The following VAV3 variants were observed in gnomAD, a reference collection of about 807,000 sequenced individuals.
The protein encoded by VAV3 is vav guanine nucleotide exchange factor 3, also known as guanine nucleotide exchange factor VAV3.
Under a neutral mutation model 131.2 loss-of-function variants are expected in VAV3, and 94 were observed. The ratio of observed to expected loss-of-function variants is 0.72; its 90% confidence interval spans 0.61 to 0.85. The LOEUF is 0.85. VAV3 is among the 40% of genes least tolerant of loss of function. The pLI is 0.00. For synonymous variants in VAV3, 349 were observed against 342.0 expected, an observed-to-expected ratio of 1.02 and a Z score of -0.22; for missense variants, 939 against 1,002.7, an observed-to-expected ratio of 0.94 and a Z score of 0.86.
rs186207161 is a variant in VAV3 at position 107,792,201 on chromosome 1, C to A, written c.322-12709G>T. ...TCATCTGTTACTCACTTCACCATCA[C>A]ACTGCTAAAGCAAGTGTTGAGTATT... On this transcript the variant is annotated intron_variant, in intron 2 of 26. Transcript: ENST00000370056. 1.9e-3 allele frequency among the ~76,000 whole-genome samples: 288 copies of A among 152,304 alleles called. 1 individual carries two copies. Among genetic ancestry groups the A allele is most frequent in the Admixed American group, 4.0e-3 (61 of 15,288 alleles).
At chr1:107,736,247 T>C (rs1300526661) in intron 15 of VAV3, among the ~76,000 whole-genome samples, 1 of 152,080 alleles carries the variant, frequency 6.6e-6, no homozygotes, top group Non-Finnish European at 1.5e-5. Context: ...CCACAGCCAA[T>C]ATCATACTGA....
chr1:107,625,018 T>C (rs1356372626), intron 20 of VAV3, among the ~76,000 whole-genome samples: 1 of 152,156 alleles, frequency 6.6e-6, no homozygotes, highest in East Asian at 1.9e-4. Context: ...GGTTTTATTT[T>C]TGGCCTTCTG....
chr1:107,840,300 C>T (rs933532104), intron 2 of VAV3, among the ~76,000 whole-genome samples: 17 of 152,036 alleles, frequency 1.1e-4, no homozygotes, highest in Non-Finnish European at 1.5e-4. Flanking sequence ...TGCTAGAAAG[C>T]ATTTAGGTCA....
Position 107,603,182 on chromosome 1 carries a change from C to A in VAV3, c.2016-19G>T, listed in dbSNP as rs1363113335. ...AGCATACCTGTAAAAAACAATGACA[C>A]AGAAAATTTGGATAATATACCTGGA... is the stretch of plus-strand genomic sequence containing the variant. On this transcript the variant is annotated intron_variant, in intron 22 of 26. Transcript: ENST00000370056. 3 of 1,598,208 alleles carry A rather than the reference C, an allele frequency of 1.9e-6. No individual in the cohort carries two copies. The Admixed American group carries it at 5.0e-5, about 27-fold the overall frequency.
chr1:107,871,828 C>T (rs1251579486), intron 2 of VAV3, among the ~76,000 whole-genome samples: 1 of 152,106 alleles, frequency 6.6e-6, no homozygotes, highest in Admixed American at 6.6e-5. Context: ...GCAGAAAACA[C>T]CACAATGAGA....
intron 6 of VAV3, among the ~76,000 whole-genome samples, chr1:107,769,100 CA>C (rs1260886438): frequency 1.3e-5 from 2 of 152,172 alleles, no homozygotes; most frequent in African/African-American, 4.8e-5. Flanking sequence ...TCATTATCAA[CA>C]ACTTCATATG....
Position 107,815,963 on chromosome 1 carries a change from A to G in VAV3, c.322-36471T>C, listed in dbSNP as rs539153829. 1.1e-3 allele frequency among the ~76,000 whole-genome samples: 165 copies of G among 152,274 alleles called. 1 individual carries two copies. Among genetic ancestry groups the G allele is most frequent in the African/African-American group, 3.9e-3 (161 of 41,562 alleles). On this transcript the variant is annotated intron_variant, in intron 2 of 26. Coordinates refer to ENST00000370056, the MANE Select transcript of VAV3 (RefSeq NM_006113.5). ...CAGGCATTAGGTTCTCGTAAGGAGTACACAACCTACATCCCTTGTATGCGC... is the reference window on the plus strand; with the variant it reads ...CAGGCATTAGGTTCTCGTAAGGAGTGCACAACCTACATCCCTTGTATGCGC...
intron 1 of VAV3, among the ~76,000 whole-genome samples, chr1:107,930,266 T>C (rs772740412): frequency 1.1e-4 from 17 of 152,190 alleles, no homozygotes; most frequent in Non-Finnish European, 2.4e-4. Flanking sequence ...ATTGCATGCC[T>C]ATATCAAAAT....
intron 1 of VAV3, among the ~76,000 whole-genome samples, chr1:107,894,302 G>T (rs982128394): frequency 2.0e-5 from 3 of 152,146 alleles, no homozygotes; most frequent in Non-Finnish European, 4.4e-5. Flanking sequence ...AGATAAAAAT[G>T]CAATTTTCAC....
intron 19 of VAV3, among the ~76,000 whole-genome samples, chr1:107,656,267 G>A (rs1450475869): frequency 1.3e-5 from 2 of 152,144 alleles, no homozygotes; most frequent in Non-Finnish European, 2.9e-5. Flanking sequence ...ACATCATTCA[G>A]CCATACATGC....
chr1:107,896,338 A>G (rs1441024251), intron 1 of VAV3, among the ~76,000 whole-genome samples: 1 of 152,008 alleles, frequency 6.6e-6, no homozygotes, highest in East Asian at 1.9e-4. Context: ...CCCACCCAAG[A>G]GCTATCAATC....
At chr1:107,651,291 T>A (rs897689080) in intron 19 of VAV3, among the ~76,000 whole-genome samples, 1 of 152,150 alleles carries the variant, frequency 6.6e-6, no homozygotes, top group Non-Finnish European at 1.5e-5. Context: ...TTCCCTTAAG[T>A]GCATTTTAAG....
intron 8 of VAV3, among the ~76,000 whole-genome samples, chr1:107,765,890 G>A (rs754409633): frequency 6.2e-4 from 95 of 152,140 alleles, no homozygotes; most frequent in Non-Finnish European, 1.1e-3. Flanking sequence ...TAGGAAATAC[G>A]TTGCTTGATT....
intron 2 of VAV3, among the ~76,000 whole-genome samples, chr1:107,845,460 G>A (rs1668919893): frequency 6.6e-6 from 1 of 152,132 alleles, no homozygotes; most frequent in African/African-American, 2.4e-5. Flanking sequence ...TTGACGAATT[G>A]ACAGAAGTAG....
At chr1:107,802,460 T>C (rs1352975254) in intron 2 of VAV3, among the ~76,000 whole-genome samples, 1 of 152,150 alleles carries the variant, frequency 6.6e-6, no homozygotes, top group Non-Finnish European at 1.5e-5. Context: ...CCATTCAATA[T>C]GCTATTGACT....
intron 1 of VAV3, among the ~76,000 whole-genome samples, chr1:107,958,515 A>C (rs1483765032): frequency 6.6e-6 from 1 of 152,254 alleles, no homozygotes; most frequent in South Asian, 2.1e-4. Flanking sequence ...AGATGTTCAA[A>C]GGGCAACACT....
chr1:107,706,668 A>G (rs975398692), intron 15 of VAV3, among the ~76,000 whole-genome samples: 50 of 152,200 alleles, frequency 3.3e-4, no homozygotes, highest in African/African-American at 1.2e-3. Context: ...TTGAGTCCAT[A>G]AAGCCATGCA....
intron 15 of VAV3, among the ~76,000 whole-genome samples, chr1:107,718,256 G>A (rs1045159484): frequency 5.3e-5 from 8 of 152,082 alleles, no homozygotes; most frequent in Non-Finnish European, 8.8e-5. Flanking sequence ...AGGAAAAGAG[G>A]AAATCAGTTT....
intron 17 of VAV3, among the ~76,000 whole-genome samples, chr1:107,691,916 T>C (rs1472192800): frequency 3.9e-5 from 6 of 152,170 alleles, no homozygotes; most frequent in Admixed American, 6.6e-5. Context: ...AGTGAAAATT[T>C]AAATAATTTT....
Sources: allele counts gnomAD v4.1 joint callset (sites outside exome capture counted in the v4.1 genomes callset), GRCh38; gene constraint gnomAD v4.1.1; transcripts MANE v1.5; gene names NCBI Gene and HGNC (gene_info 2026-07-23, HGNC 2026-07-21).